Variants in RUNDC3B observed in about 807,000 individuals in gnomAD.
RUNDC3B encodes the protein RUN domain-containing protein 3B.
RUNDC3B carries 33 observed loss-of-function variants against 58.4 expected under a neutral mutation model. That is an observed-to-expected ratio of 0.56 (90% CI 0.43 to 0.75). The LOEUF (loss-of-function observed/expected upper bound fraction) is 0.75, where lower values mean the gene tolerates loss of function less well. Among genes scored for constraint, RUNDC3B ranks in the 30% least tolerant of loss-of-function variants. RUNDC3B has a pLI of 0.00. For missense variants in RUNDC3B, 501 were observed against 535.7 expected, an observed-to-expected ratio of 0.94 and a Z score of 0.64; for synonymous variants, 193 against 195.2, an observed-to-expected ratio of 0.99 and a Z score of 0.10.
intron 6 of RUNDC3B, among the ~76,000 whole-genome samples, chr7:87,755,766 A>G (rs1833331868): frequency 6.6e-6 from 1 of 152,202 alleles, no homozygotes; most frequent in Non-Finnish European, 1.5e-5. Flanking sequence ...CCAACATTAT[A>G]CTGAATGGGC....
At chr7:87,683,669 A>G (rs902064544) in intron 2 of RUNDC3B, among the ~76,000 whole-genome samples, 3 of 152,230 alleles carry the variant, frequency 2.0e-5, no homozygotes, top group Non-Finnish European at 2.9e-5. Context: ...CAATAGTAAC[A>G]TCAAAGATCA....
At chr7:87,734,429 C>T (rs1389738136) in intron 4 of RUNDC3B, among the ~76,000 whole-genome samples, 3 of 152,174 alleles carry the variant, frequency 2.0e-5, no homozygotes, top group African/African-American at 7.2e-5. Flanking sequence ...GACCAGGTAG[C>T]ATATGATTCC....
intron 9 of RUNDC3B, among the ~76,000 whole-genome samples, chr7:87,815,546 A>C (rs1013142633): frequency 6.6e-6 from 1 of 152,104 alleles, no homozygotes; most frequent in African/African-American, 2.4e-5. Flanking sequence ...TTATTAGCTT[A>C]ATAGAAAATG....
intron 2 of RUNDC3B, chr7:87,694,100 G>GTTT: frequency 2.6e-5 from 30 of 1,175,582 alleles, no homozygotes; most frequent in South Asian, 1.0e-4. Context: ...GTGTGTTTTT[G>GTTT]TTTTTTTTTT....
chr7:87,830,037 T>C lies in RUNDC3B; in HGVS notation c.*7T>C, dbSNP rs949991063. The C allele has an allele frequency of 4.5e-6, 7 of 1,561,892 alleles. No individual in the cohort carries two copies. In the African/African-American group the frequency reaches 7.0e-5, roughly 16 times the overall value. ...AGGCCTAACTCCATCCTGAAAATTT[T>C]TGTGTAAAAGCCAAAACTTTTTATG... On this transcript the variant is annotated 3_prime_UTR_variant, in exon 11 of 11. Coordinates refer to ENST00000394654, the MANE Select transcript of RUNDC3B (RefSeq NM_001134405.2).
At chr7:87,771,770 G>C (rs1834299223) in intron 7 of RUNDC3B, among the ~76,000 whole-genome samples, 1 of 152,160 alleles carries the variant, frequency 6.6e-6, no homozygotes, top group African/African-American at 2.4e-5. Flanking sequence ...ATTCAAGGTG[G>C]AAATTGAACC....
intron 2 of RUNDC3B, among the ~76,000 whole-genome samples, chr7:87,695,555 T>C (rs549177029): frequency 3.9e-5 from 6 of 152,204 alleles, no homozygotes; most frequent in African/African-American, 1.4e-4. Flanking sequence ...AGATGAATAA[T>C]AGCTCAAAGG....
At chr7:87,749,787 G>A (rs1273892358) in intron 6 of RUNDC3B, among the ~76,000 whole-genome samples, 1 of 151,910 alleles carries the variant, frequency 6.6e-6, no homozygotes, top group Non-Finnish European at 1.5e-5. Context: ...AAGAAAAGCT[G>A]CTAGAAACAT....
chr7:87,803,037 T>G (rs1027881741), intron 8 of RUNDC3B, among the ~76,000 whole-genome samples: 1 of 151,928 alleles, frequency 6.6e-6, no homozygotes, highest in East Asian at 1.9e-4. Context: ...ATAAGAAAAA[T>G]TATAAATCTA....
At chr7:87,816,766 C>G (rs1225418980) in intron 10 of RUNDC3B, among the ~76,000 whole-genome samples, 1 of 152,172 alleles carries the variant, frequency 6.6e-6, no homozygotes, top group South Asian at 2.1e-4. Context: ...ATATCAGCCT[C>G]TCTTCCCATT....
At chr7:87,684,899 A>ATACCTGTG (rs895178334) in intron 2 of RUNDC3B, among the ~76,000 whole-genome samples, 2 of 152,148 alleles carry the variant, frequency 1.3e-5, no homozygotes, top group Non-Finnish European at 2.9e-5. Context: ...GATTAATTGA[A>ATACCTGTG]TACCTGTGTG....
At chr7:87,766,481 T>C (rs1016839921) in intron 6 of RUNDC3B, among the ~76,000 whole-genome samples, 4 of 152,096 alleles carry the variant, frequency 2.6e-5, no homozygotes, top group Non-Finnish European at 5.9e-5. Flanking sequence ...GGGAAGGACT[T>C]TATTTCTTCT....
chr7:87,671,570 A>G (rs1825826762), intron 2 of RUNDC3B, among the ~76,000 whole-genome samples: 1 of 152,160 alleles, frequency 6.6e-6, no homozygotes, highest in African/African-American at 2.4e-5. Flanking sequence ...GCAAAACAGC[A>G]AAGATGAGAG....
At chr7:87,700,688 A>G (rs1014479258) in intron 3 of RUNDC3B, 134 bp downstream of exon 3, 3 of 752,550 alleles carry the variant, frequency 4.0e-6, no homozygotes, top group Non-Finnish European at 6.2e-6. Flanking sequence ...CTGTTCTGTG[A>G]TGTTTCTACA....
intron 4 of RUNDC3B, among the ~76,000 whole-genome samples, chr7:87,721,346 C>T (rs1171088833): frequency 6.6e-6 from 1 of 151,950 alleles, no homozygotes; most frequent in African/African-American, 2.4e-5. Context: ...AAGGGGGTAA[C>T]ATGTCAGTTC....
Position 87,700,453 on chromosome 7 carries a change from C to A in RUNDC3B, c.271C>A (p.Arg91Ser). ...QVTWFGYESP[R>S]SFWDYIRVAC... Reference sequence around the variant, plus strand: ...AACCTGGTTTGGTTATGAAAGTCCTCGTAGCTTCTGGGACTATATCAGAGT... The same window carrying A: ...AACCTGGTTTGGTTATGAAAGTCCTAGTAGCTTCTGGGACTATATCAGAGT... The change falls in exon 3 of 11, where the codon CGT (arginine) becomes AGT (serine). Residue 91 changes from arginine (R) to serine (S), a missense_variant. Physicochemically the swap from Arg to Ser is moderately radical, Grantham distance 110. Transcript: ENST00000394654. The A allele has an allele frequency of 6.2e-7, 1 of 1,612,434 alleles. No individual in the cohort carries two copies. Among genetic ancestry groups the A allele is most frequent in the Admixed American group, 1.7e-5 (1 of 59,880 alleles).
intron 10 of RUNDC3B, among the ~76,000 whole-genome samples, chr7:87,826,879 G>GAGAA (rs933120538): frequency 6.6e-6 from 1 of 152,216 alleles, no homozygotes; most frequent in African/African-American, 2.4e-5. Flanking sequence ...ACTAGAAAGG[G>GAGAA]AGAAAAGAAT....
chr7:87,692,318 C>A (rs934759656), intron 2 of RUNDC3B, among the ~76,000 whole-genome samples: 1 of 152,038 alleles, frequency 6.6e-6, no homozygotes. Flanking sequence ...TTAGTTGAGC[C>A]TGGTGGCACG....
chr7:87,663,407 A>C (rs1035199235), intron 2 of RUNDC3B, among the ~76,000 whole-genome samples: 3 of 151,868 alleles, frequency 2.0e-5, no homozygotes, highest in African/African-American at 7.3e-5. Context: ...CCATCTATCT[A>C]GTCAATACTT....
Sources: gnomAD v4.1 joint callset for allele counts (sites outside exome capture counted in the v4.1 genomes callset) on GRCh38, gnomAD v4.1.1 for gene constraint, MANE v1.5 for transcripts, NCBI Gene and HGNC (gene_info 2026-07-23, HGNC 2026-07-21) for gene names.